GYPC: variants seen among roughly 807,000 people sequenced by gnomAD.
GYPC encodes the protein glycophorin C (Gerbich blood group).
A neutral mutation model predicts 12.6 loss-of-function variants in GYPC; 14 were observed. The ratio of observed to expected loss-of-function variants is 1.11; its 90% CI spans 0.74 to 1.74. GYPC has a LOEUF of 1.74. Among genes scored for constraint, GYPC ranks in the 40% most tolerant of loss-of-function variants. GYPC has a pLI of 0.00. For missense variants in GYPC, 225 were observed against 172.1 expected, an observed-to-expected ratio of 1.31 and a Z score of -1.72; for synonymous variants, 78 against 62.1, an observed-to-expected ratio of 1.26 and a Z score of -1.20.
At chr2:126,693,756 A>T (rs1356910652) in intron 2 of GYPC, 108 bp from the exon 3 acceptor site, 2 of 805,904 alleles carry the variant, frequency 2.5e-6, no homozygotes, top group African/African-American at 3.4e-5. Flanking sequence ...ACTTGGACCC[A>T]TTCTCAGAGC....
At chr2:126,688,083 G>A (rs996232550) in intron 1 of GYPC, among the ~76,000 whole-genome samples, 7 of 152,164 alleles carry the variant, frequency 4.6e-5, no homozygotes, top group South Asian at 2.1e-4. Context: ...AACTCCTATC[G>A]AATGGAAATG....
At chr2:126,685,052 G>A (rs1202956480) in intron 1 of GYPC, among the ~76,000 whole-genome samples, 2 of 152,178 alleles carry the variant, frequency 1.3e-5, no homozygotes, top group Non-Finnish European at 2.9e-5. Context: ...TTTCTTGGGG[G>A]CACTTTATTC....
intron 1 of GYPC, among the ~76,000 whole-genome samples, chr2:126,664,433 C>T (rs1682625310): frequency 6.6e-6 from 1 of 152,188 alleles, no homozygotes; most frequent in Non-Finnish European, 1.5e-5. Flanking sequence ...CAGCCCCTCA[C>T]ACCTCCTTCT....
chr2:126,656,324 C>T lies in GYPC; in HGVS notation c.49+12C>T, dbSNP rs760754895. ...GCCTCTCAGCCTCGGTGAGTACCCG[C>T]CGTGGGGAAGGGTCCTGGGGACCCA... On this transcript the variant is annotated intron_variant, in intron 1 of 3. Transcript: ENST00000259254. 26 of 1,588,984 alleles carry T rather than the reference C, an allele frequency of 1.6e-5. No homozygotes were observed. The highest frequency in any genetic ancestry group is 2.3e-5 in the East Asian group (1 of 43,244).
intron 2 of GYPC, among the ~76,000 whole-genome samples, chr2:126,690,920 T>C (rs1368573112): frequency 6.6e-6 from 1 of 151,948 alleles, no homozygotes; most frequent in Non-Finnish European, 1.5e-5. Flanking sequence ...CAGCAGCTTA[T>C]TAATAACTCA....
chr2:126,672,660 G>A (rs1298944555), intron 1 of GYPC, among the ~76,000 whole-genome samples: 12 of 152,168 alleles, frequency 7.9e-5, no homozygotes, highest in Non-Finnish European at 1.8e-4. Context: ...CAGCCTCAGA[G>A]AGAGCACAGA....
intron 1 of GYPC, chr2:126,679,770 A>T (rs971380879): frequency 6.6e-6 from 1 of 152,186 alleles, no homozygotes; most frequent in Admixed American, 6.5e-5. Context: ...ACTACTCCGG[A>T]GGCTGAGGCA....
At position 126,696,612 on chromosome 2, in the gene GYPC, T is replaced by C. The variant is rs1683656315; in HGVS notation, c.*470T>C. On this transcript the variant is annotated 3_prime_UTR_variant, in exon 4 of 4. Transcript: ENST00000259254. ...CAGGTGCCAGAGCTAAAAGGTACCTTTGTCTGCCATTGATCCAGCTCAGAA... is the reference window on the plus strand; with the variant it reads ...CAGGTGCCAGAGCTAAAAGGTACCTCTGTCTGCCATTGATCCAGCTCAGAA... 3 of 247,792 alleles carry C rather than the reference T, an allele frequency of 1.2e-5. No homozygotes were observed. The Admixed American group carries it at 1.5e-4, about 13-fold the overall frequency. 15.3% of individuals were successfully genotyped at this position (247,792 alleles called of 1,614,324 possible).
At chr2:126,668,961 C>T (rs965234005) in intron 1 of GYPC, among the ~76,000 whole-genome samples, 4 of 152,172 alleles carry the variant, frequency 2.6e-5, no homozygotes, top group African/African-American at 9.7e-5. Context: ...TGACTTACTG[C>T]GATTAGTTGC....
intron 1 of GYPC, among the ~76,000 whole-genome samples, chr2:126,677,523 G>C (rs1201493940): frequency 4.3e-5 from 4 of 93,060 alleles, no homozygotes; most frequent in Admixed American, 1.0e-4. Flanking sequence ...GTGAGTCTGT[G>C]TGTGTGTGAG....
chr2:126,669,448 C>T lies in GYPC; in HGVS notation c.49+13136C>T, dbSNP rs536655856. ...CGGCACCACCCCTCCCTCATATGTG[C>T]GGAAACTGGGGAGTTTCAAGGAAGA... On this transcript the variant is annotated intron_variant, in intron 1 of 3. Coordinates refer to ENST00000259254, the MANE Select transcript of GYPC (RefSeq NM_002101.5). 1.1e-3 allele frequency among the ~76,000 whole-genome samples: 165 copies of T among 152,124 alleles called. 2 individuals carry two copies. Among genetic ancestry groups the T allele is most frequent in the South Asian group, 2.7e-3 (13 of 4,814 alleles).
At chr2:126,668,647 T>TA (rs929208503) in intron 1 of GYPC, among the ~76,000 whole-genome samples, 3 of 152,212 alleles carry the variant, frequency 2.0e-5, no homozygotes, top group African/African-American at 7.2e-5. Flanking sequence ...TCTGAAATGT[T>TA]AAAAAAGAGA....
chr2:126,694,201 C>G (rs939602625), intron 3 of GYPC, among the ~76,000 whole-genome samples: 10 of 152,140 alleles, frequency 6.6e-5, no homozygotes, highest in Middle Eastern at 3.2e-3. Context: ...AACTCAGGAG[C>G]TGGAGAGGCA....
At chr2:126,670,490 G>A (rs192554471) in intron 1 of GYPC, among the ~76,000 whole-genome samples, 27 of 152,318 alleles carry the variant, frequency 1.8e-4, no homozygotes, top group Admixed American at 3.3e-4. Flanking sequence ...CCCCAGCAAT[G>A]CCTGTGTCCT....
chr2:126,675,594 G>T, intron 1 of GYPC: 1 of 540,002 alleles, frequency 1.9e-6, no homozygotes, highest in Non-Finnish European at 2.4e-6. Context: ...TAAACAATGG[G>T]CTCTCCTTTC....
intron 3 of GYPC, among the ~76,000 whole-genome samples, chr2:126,694,870 G>A (rs2104811503): frequency 6.6e-6 from 1 of 151,802 alleles, no homozygotes; most frequent in South Asian, 2.1e-4. Flanking sequence ...CCATGAGACT[G>A]CTGCCCCCTC....
intron 2 of GYPC, among the ~76,000 whole-genome samples, chr2:126,690,541 A>C (rs910838134): frequency 2.6e-5 from 4 of 152,064 alleles, no homozygotes; most frequent in African/African-American, 7.2e-5. Flanking sequence ...AAATATACAT[A>C]GGTATGTCAT....
chr2:126,674,543 G>A (rs2104785225), intron 1 of GYPC, among the ~76,000 whole-genome samples: 1 of 152,308 alleles, frequency 6.6e-6, no homozygotes. Context: ...GGTGGGAGCT[G>A]GTGCCTCCCA....
intron 1 of GYPC, among the ~76,000 whole-genome samples, chr2:126,673,989 C>A (rs1482503933): frequency 6.6e-6 from 1 of 152,190 alleles, no homozygotes; most frequent in African/African-American, 2.4e-5. Flanking sequence ...TCCTAAGAGA[C>A]CCTGTCTCTG....
Sources: gnomAD v4.1 joint callset for allele counts (sites outside exome capture counted in the v4.1 genomes callset) on GRCh38, gnomAD v4.1.1 for gene constraint, MANE v1.5 for transcripts, NCBI Gene and HGNC (gene_info 2026-07-23, HGNC 2026-07-21) for gene names.